RBM19: variants seen among roughly 807,000 people sequenced by gnomAD.
The protein encoded by RBM19 is probable RNA-binding protein 19.
A neutral mutation model predicts 116.8 loss-of-function variants in RBM19; 94 were observed. The ratio of observed to expected loss-of-function variants is 0.80; its 90% CI spans 0.68 to 0.95. RBM19 has a LOEUF of 0.95. Ranked by LOEUF, RBM19 falls within the 40% of genes least tolerant of loss-of-function variation. The probability of loss-of-function intolerance (pLI) is 0.00; values close to 1 mark genes in which losing one functional copy is unlikely to be tolerated. For missense variants in RBM19, 1,161 were observed against 1,220.7 expected, an observed-to-expected ratio of 0.95 and a Z score of 0.73; for synonymous variants, 475 against 494.1, an observed-to-expected ratio of 0.96 and a Z score of 0.51.
intron 10 of RBM19, 59 bp downstream of exon 10, chr12:113,948,774 G>A: frequency 6.4e-7 from 1 of 1,563,444 alleles, no homozygotes; most frequent in South Asian, 1.1e-5. Flanking sequence ...GGACGTCAGA[G>A]TGAGAGCCCG....
At chr12:113,914,263 G>T (rs1882631447) in intron 21 of RBM19, among the ~76,000 whole-genome samples, 1 of 152,242 alleles carries the variant, frequency 6.6e-6, no homozygotes, top group Non-Finnish European at 1.5e-5. Flanking sequence ...TGACCAGAGA[G>T]AGGCCCGCCT....
intron 23 of RBM19, among the ~76,000 whole-genome samples, chr12:113,832,928 A>G (rs1875556427): frequency 6.6e-6 from 1 of 152,100 alleles, no homozygotes; most frequent in African/African-American, 2.4e-5. Context: ...GTCTTTTGAA[A>G]ATGTACTGTC....
At chr12:113,873,162 ACC>A (rs1879406574) in intron 21 of RBM19, among the ~76,000 whole-genome samples, 1 of 106,218 alleles carries the variant, frequency 9.4e-6, no homozygotes, top group African/African-American at 3.3e-5. Context: ...CCCGGCCACC[ACC>A]CCGTCTGGGA....
chr12:113,831,004 G>C (rs1565960848), intron 23 of RBM19, among the ~76,000 whole-genome samples: 1 of 152,186 alleles, frequency 6.6e-6, no homozygotes, highest in East Asian at 1.9e-4. Context: ...ACTACAGGGA[G>C]GGCTATGCAT....
At chr12:113,935,310 A>C (rs1431796053) in intron 16 of RBM19, among the ~76,000 whole-genome samples, 5 of 152,170 alleles carry the variant, frequency 3.3e-5, no homozygotes, top group Admixed American at 1.3e-4. Flanking sequence ...TTGGGCCAAA[A>C]AAAAAAAACA....
chr12:113,845,018 C>T (rs1045739365), intron 22 of RBM19, among the ~76,000 whole-genome samples: 1 of 152,172 alleles, frequency 6.6e-6, no homozygotes, highest in African/African-American at 2.4e-5. Context: ...ATATATCTGC[C>T]GTCTGGGCTG....
intron 13 of RBM19, among the ~76,000 whole-genome samples, chr12:113,942,771 C>T (rs1206418673): frequency 1.3e-5 from 2 of 152,026 alleles, no homozygotes; most frequent in Non-Finnish European, 2.9e-5. Flanking sequence ...CCACCACTTC[C>T]AGCTCATTTT....
At chr12:113,854,438 C>T (rs933759453) in intron 22 of RBM19, among the ~76,000 whole-genome samples, 11 of 152,048 alleles carry the variant, frequency 7.2e-5, no homozygotes, top group African/African-American at 2.2e-4. Context: ...CTGCTTGAGT[C>T]CTTGACTTCC....
downstream of RBM19, among the ~76,000 whole-genome samples, chr12:113,819,039 G>C (rs1396368038): frequency 6.6e-6 from 1 of 152,234 alleles, no homozygotes. Context: ...GCGCCCGCTA[G>C]TGCCCACTGC....
intron 21 of RBM19, among the ~76,000 whole-genome samples, chr12:113,861,377 C>T (rs1191985501): frequency 6.6e-6 from 1 of 152,176 alleles, no homozygotes; most frequent in Non-Finnish European, 1.5e-5. Context: ...TCTGCCCACA[C>T]TGTGTGCAAA....
rs1416521495 is a variant in RBM19, at chr12:113,847,906, C to T, written c.2665-3118G>A. ...CACAAATCTTTCTCTCTTCCCTCTGCACTCCTCTGACACGTTATTGGCCTC... is the reference window on the plus strand; with the variant it reads ...CACAAATCTTTCTCTCTTCCCTCTGTACTCCTCTGACACGTTATTGGCCTC... On this transcript the variant is annotated intron_variant, in intron 22 of 23. Transcript: ENST00000261741. Among the ~76,000 whole-genome samples the T allele has an allele frequency of 5.9e-5, 9 of 152,204 alleles. No individual in the cohort carries two copies. The East Asian group carries it at 1.7e-3, about 29-fold the overall frequency.
intron 21 of RBM19, among the ~76,000 whole-genome samples, chr12:113,881,630 T>A (rs112484802): frequency 0.027 from 4,114 of 152,290 alleles, 189 homozygotes; most frequent in African/African-American, 0.094. Flanking sequence ...AGCCTCTCTC[T>A]TTCCCTCAAG....
intron 23 of RBM19, among the ~76,000 whole-genome samples, chr12:113,838,040 A>G (rs904798532): frequency 2.0e-5 from 3 of 152,250 alleles, no homozygotes; most frequent in East Asian, 1.9e-4. Flanking sequence ...CTATATATAC[A>G]TTTAAGACAG....
intron 23 of RBM19, among the ~76,000 whole-genome samples, chr12:113,842,594 A>G (rs916514768): frequency 6.6e-6 from 1 of 152,222 alleles, no homozygotes; most frequent in Admixed American, 6.5e-5. Context: ...GATCACTAAG[A>G]GAGATGAGCA....
chr12:113,863,355 G>GTC lies in RBM19; in HGVS notation c.2559-4461_2559-4460dup, dbSNP rs1417372309. ...ACCGAAAAGGGATGAATCATCTTGG[G>GTC]TCTCTCTCTCCCTCCCTGACTGAAG... is the stretch of plus-strand genomic sequence containing the variant. On this transcript the variant is annotated intron_variant, in intron 21 of 23. Coordinates refer to ENST00000261741, the MANE Select transcript of RBM19 (RefSeq NM_016196.4). Among the ~76,000 whole-genome samples the GTC allele has an allele frequency of 5.9e-5, 9 of 152,216 alleles. No homozygotes were observed. The East Asian group carries it at 1.7e-3, about 29-fold the overall frequency.
intron 20 of RBM19, among the ~76,000 whole-genome samples, chr12:113,915,669 T>C (rs1181837245): frequency 6.6e-6 from 1 of 152,188 alleles, no homozygotes; most frequent in Non-Finnish European, 1.5e-5. Flanking sequence ...TGGGTGTGAA[T>C]GCCAAATCCG....
chr12:113,847,996 T>C (rs1441136436), intron 22 of RBM19, among the ~76,000 whole-genome samples: 1 of 152,230 alleles, frequency 6.6e-6, no homozygotes, highest in Non-Finnish European at 1.5e-5. Context: ...TGGGCTCTGC[T>C]GCTGGCCTGC....
At chr12:113,864,127 C>T (rs1055623839) in intron 21 of RBM19, among the ~76,000 whole-genome samples, 9 of 152,190 alleles carry the variant, frequency 5.9e-5, no homozygotes, top group African/African-American at 1.9e-4. Context: ...CCCAAGGTTC[C>T]ATGGGCAGCA....
At chr12:113,827,385 T>C (rs1799897573) in intron 23 of RBM19, among the ~76,000 whole-genome samples, 1 of 151,880 alleles carries the variant, frequency 6.6e-6, no homozygotes, top group African/African-American at 2.4e-5. Flanking sequence ...AGTTCCCACC[T>C]AATGATTTTA....
Sources: gnomAD v4.1 joint callset for allele counts (sites outside exome capture counted in the v4.1 genomes callset) on GRCh38, gnomAD v4.1.1 for gene constraint, MANE v1.5 for transcripts, NCBI Gene and HGNC (gene_info 2026-07-23, HGNC 2026-07-21) for gene names.